KCND2: variants seen among roughly 807,000 people sequenced by gnomAD.
KCND2 encodes the protein potassium voltage-gated channel subfamily D member 2.
Under a neutral mutation model 54.4 loss-of-function variants are expected in KCND2, and 16 were observed. The ratio of observed to expected loss-of-function variants is 0.29; its 90% CI spans 0.20 to 0.45. KCND2 has a LOEUF of 0.45. Ranked by LOEUF, KCND2 falls within the 20% of genes least tolerant of loss-of-function variation. KCND2 has a pLI of 1.00. For synonymous variants in KCND2, 317 were observed against 310.7 expected (o/e 1.02, Z -0.21); for missense variants, 486 against 824.2 (o/e 0.59, Z 5.02).
intron 1 of KCND2, among the ~76,000 whole-genome samples, chr7:120,502,801 G>T (rs1167248611): frequency 6.6e-6 from 1 of 151,938 alleles, no homozygotes; most frequent in Non-Finnish European, 1.5e-5. Context: ...ACACATACAG[G>T]CTTTCCCAGT....
intron 1 of KCND2, among the ~76,000 whole-genome samples, chr7:120,665,594 G>A (rs1364130080): frequency 1.3e-5 from 2 of 151,944 alleles, no homozygotes; most frequent in African/African-American, 4.8e-5. Flanking sequence ...TGGACTGGTA[G>A]CAATAAAAAC....
chr7:120,714,442 AT>A (rs1046362925), intron 1 of KCND2, among the ~76,000 whole-genome samples: 2 of 152,176 alleles, frequency 1.3e-5, no homozygotes, highest in African/African-American at 4.8e-5. Flanking sequence ...ATGAATGAGC[AT>A]TGCAGAATGA....
At chr7:120,574,324 T>C (rs1041241343) in intron 1 of KCND2, among the ~76,000 whole-genome samples, 1 of 152,176 alleles carries the variant, frequency 6.6e-6, no homozygotes, top group African/African-American at 2.4e-5. Context: ...AACAGAAATA[T>C]TTGTCAGCAG....
chr7:120,573,002 C>G (rs1052392919), intron 1 of KCND2, among the ~76,000 whole-genome samples: 1 of 152,156 alleles, frequency 6.6e-6, no homozygotes, highest in Admixed American at 6.6e-5. Context: ...ACATAAAACA[C>G]TCTTTGATTT....
At chr7:120,660,721 C>T (rs1383716668) in intron 1 of KCND2, among the ~76,000 whole-genome samples, 1 of 152,104 alleles carries the variant, frequency 6.6e-6, no homozygotes, top group Admixed American at 6.6e-5. Context: ...TTATAGCATG[C>T]TGTATAGTTT....
At chr7:120,410,075 G>A (rs955780110) in intron 1 of KCND2, among the ~76,000 whole-genome samples, 8 of 151,808 alleles carry the variant, frequency 5.3e-5, no homozygotes, top group African/African-American at 1.4e-4. Context: ...AAAAAGTCAA[G>A]GTTTATTATT....
At chr7:120,485,177 T>C (rs10275068) in intron 1 of KCND2, among the ~76,000 whole-genome samples, 34,430 of 152,088 alleles carry the variant, frequency 0.23, 5,008 homozygotes, top group East Asian at 0.49. Context: ...CATGAGTGAC[T>C]GCACCCAGCC....
intron 1 of KCND2, among the ~76,000 whole-genome samples, chr7:120,699,566 G>A (rs1159711417): frequency 6.6e-6 from 1 of 152,162 alleles, no homozygotes; most frequent in Non-Finnish European, 1.5e-5. Context: ...CAAAGAGTAG[G>A]AGGACAGGAG....
At chr7:120,597,852 A>G (rs1274536779) in intron 1 of KCND2, among the ~76,000 whole-genome samples, 1 of 152,162 alleles carries the variant, frequency 6.6e-6, no homozygotes, top group Non-Finnish European at 1.5e-5. Context: ...CTGAGTTGAC[A>G]TGTTATCTTA....
intron 1 of KCND2, among the ~76,000 whole-genome samples, chr7:120,690,398 C>G (rs1472528200): frequency 6.6e-6 from 1 of 152,084 alleles, no homozygotes; most frequent in Non-Finnish European, 1.5e-5. Flanking sequence ...AGGTCCTGAC[C>G]TTAAGTATTT....
At chr7:120,472,319 A>G (rs1037160599) in intron 1 of KCND2, among the ~76,000 whole-genome samples, 1 of 152,018 alleles carries the variant, frequency 6.6e-6, no homozygotes, top group Admixed American at 6.6e-5. Context: ...TAAAAAGAAA[A>G]TGCTGGAATA....
chr7:120,642,575 A>T (rs906424512), intron 1 of KCND2, among the ~76,000 whole-genome samples: 6 of 149,760 alleles, frequency 4.0e-5, no homozygotes, highest in African/African-American at 7.3e-5. Flanking sequence ...AAAATAAAAA[A>T]AAATATATAT....
chr7:120,543,653 T>TA (rs960635084), intron 1 of KCND2, among the ~76,000 whole-genome samples: 5 of 152,056 alleles, frequency 3.3e-5, no homozygotes, highest in Non-Finnish European at 5.9e-5. Flanking sequence ...CTATGAGCTT[T>TA]AAAAAACAGA....
chr7:120,596,133 T>C (rs571161545), intron 1 of KCND2, among the ~76,000 whole-genome samples: 1 of 152,322 alleles, frequency 6.6e-6, no homozygotes, highest in African/African-American at 2.4e-5. Context: ...CCTTATTTTG[T>C]TTACTTAGTT....
At chr7:120,731,970 G>T (rs1252148153) in intron 1 of KCND2, among the ~76,000 whole-genome samples, 2 of 152,038 alleles carry the variant, frequency 1.3e-5, no homozygotes, top group Non-Finnish European at 2.9e-5. Context: ...GTTCCATTTT[G>T]GTTAATTTAA....
At chr7:120,619,160 G>A (rs934171877) in intron 1 of KCND2, among the ~76,000 whole-genome samples, 26 of 152,174 alleles carry the variant, frequency 1.7e-4, no homozygotes, top group Non-Finnish European at 3.4e-4. Context: ...GGCTGGGCAC[G>A]GTGGCTCATA....
chr7:120,637,374 C>T (rs982842759), intron 1 of KCND2, among the ~76,000 whole-genome samples: 1 of 152,082 alleles, frequency 6.6e-6, no homozygotes, highest in Non-Finnish European at 1.5e-5. Flanking sequence ...GTGGATAATT[C>T]CTGTCCTGCC....
chr7:120,318,020 A>C (rs1449274457), intron 1 of KCND2, among the ~76,000 whole-genome samples: 5 of 152,160 alleles, frequency 3.3e-5, no homozygotes, highest in African/African-American at 9.7e-5. Context: ...CATGTTCTCT[A>C]AGGTGTGAGG....
chr7:120,662,370 A>G (rs533842883), intron 1 of KCND2, among the ~76,000 whole-genome samples: 1 of 152,336 alleles, frequency 6.6e-6, no homozygotes, highest in South Asian at 2.1e-4. Context: ...ATCTCATTAT[A>G]ACAATTGTCA....
Sources: allele counts gnomAD v4.1 joint callset (sites outside exome capture counted in the v4.1 genomes callset), GRCh38; gene constraint gnomAD v4.1.1; transcripts MANE v1.5; gene names NCBI Gene and HGNC (gene_info 2026-07-23, HGNC 2026-07-21).